DST: variants seen among roughly 807,000 people sequenced by gnomAD.
DST encodes the protein bullous pemphigoid antigen.
A neutral mutation model predicts 875.2 loss-of-function variants in DST; 253 were observed. That is an observed-to-expected ratio of 0.29 (90% confidence interval 0.26 to 0.32). The LOEUF is 0.32. DST is among the 10% of genes least tolerant of loss of function. The probability of loss-of-function intolerance (pLI) is 1.00; values close to 1 mark genes in which losing one functional copy is unlikely to be tolerated. For missense variants in DST, 8,287 were observed against 9,111.6 expected (o/e 0.91, Z 3.68); for synonymous variants, 3,124 against 3,197.1 (o/e 0.98, Z 0.77).
chr6:56,547,389 C>T (rs912925794), intron 61 of DST, among the ~76,000 whole-genome samples: 3 of 152,046 alleles, frequency 2.0e-5, no homozygotes, highest in African/African-American at 7.2e-5. Flanking sequence ...TGTGATCTTC[C>T]TATAAAAGCC....
chr6:56,574,555 G>A (rs2152621239), intron 50 of DST, among the ~76,000 whole-genome samples: 1 of 152,020 alleles, frequency 6.6e-6, no homozygotes, highest in South Asian at 2.1e-4. Context: ...TTATTTAAAA[G>A]TTTAACAGCA....
At chr6:56,532,580 A>T in intron 63 of DST, 70 bp from the exon 64 acceptor site, 1 of 1,387,052 alleles carries the variant, frequency 7.2e-7, no homozygotes, top group Non-Finnish European at 9.8e-7. Flanking sequence ...AATGTATTCT[A>T]AGTACATTTG....
At chr6:56,855,490 G>C (rs1206284372) in intron 3 of DST, among the ~76,000 whole-genome samples, 1 of 152,066 alleles carries the variant, frequency 6.6e-6, no homozygotes, top group Non-Finnish European at 1.5e-5. Flanking sequence ...TTAAATCAAG[G>C]AATAAATGTT....
intron 61 of DST, among the ~76,000 whole-genome samples, chr6:56,551,572 A>T (rs894560007): frequency 1.3e-5 from 2 of 152,132 alleles, no homozygotes; most frequent in African/African-American, 4.8e-5. Flanking sequence ...GTCATTGATC[A>T]CTGTTGAGTG....
At chr6:56,741,653 TCCAGATTACA>T (rs1027262944) in intron 4 of DST, among the ~76,000 whole-genome samples, 1 of 152,200 alleles carries the variant, frequency 6.6e-6, no homozygotes, top group Non-Finnish European at 1.5e-5. Flanking sequence ...AAGGGAGTAT[TCCAGATTACA>T]CCATCTAATT....
chr6:56,759,889 A>G (rs952919631), intron 4 of DST, among the ~76,000 whole-genome samples: 5 of 152,230 alleles, frequency 3.3e-5, no homozygotes, highest in African/African-American at 4.8e-5. Flanking sequence ...CTCTAAGCAA[A>G]GTGAGTCCTT....
chr6:56,889,006 A>C (rs967978017), intron 3 of DST, among the ~76,000 whole-genome samples: 9 of 152,156 alleles, frequency 5.9e-5, no homozygotes, highest in Non-Finnish European at 7.4e-5. Flanking sequence ...GCCTTAAATC[A>C]AAGTCAAGAG....
chr6:56,662,771 C>A (rs999005261), intron 10 of DST, among the ~76,000 whole-genome samples: 2 of 151,870 alleles, frequency 1.3e-5, no homozygotes, highest in Admixed American at 1.3e-4. Flanking sequence ...GAAACCCTGT[C>A]TCTACTAAAA....
chr6:56,487,397 C>T, intron 86 of DST, 124 bp from the exon 87 acceptor site: 2 of 873,676 alleles, frequency 2.3e-6, no homozygotes, highest in Middle Eastern at 2.6e-4. Flanking sequence ...CTTATAATGA[C>T]TTGACTTAGG....
Position 56,463,649 on chromosome 6 carries a change from G to A in DST, c.22875C>T (p.Gly7625=). 11 of 1,613,950 alleles carry A rather than the reference G, an allele frequency of 6.8e-6. No homozygotes were observed. The highest frequency in any genetic ancestry group is 8.5e-6 in the Non-Finnish European group (10 of 1,179,870). The change falls in exon 101 of 104, where the codon GGC becomes GGT. Residue 7625 remains glycine (G), a synonymous_variant. Transcript: ENST00000680361. ...RGRRSRPSSR[G]ASPNRSTSVS... ...CAGAAGTGGATCTGTTGGGTGAAGC[G>A]CCTCGTGATGATGGCCGGGATCTTC...
At chr6:56,890,502 C>T (rs569890633) in intron 3 of DST, among the ~76,000 whole-genome samples, 110 of 152,264 alleles carry the variant, frequency 7.2e-4, no homozygotes, top group Non-Finnish European at 1.2e-3. Flanking sequence ...AATCCAAATA[C>T]ATATGTACTG....
intron 85 of DST, among the ~76,000 whole-genome samples, chr6:56,490,039 A>G (rs1436453449): frequency 6.6e-6 from 1 of 152,190 alleles, no homozygotes; most frequent in Non-Finnish European, 1.5e-5. Flanking sequence ...GTTAAGAAAG[A>G]GGAACAAAAA....
Position 56,498,038 on chromosome 6 carries a change from C to A in DST, c.19912G>T (p.Val6638Leu). Residue 6638 changes from valine to leucine, a missense_variant, in exon 81 of 104, where the codon GTA becomes TTA. By Grantham distance (32) the Val-to-Leu change is conservative. This residue lies in a region of DST where 1,292 missense variants were observed against 1,552.7 expected (regional missense o/e 0.83). Coordinates refer to ENST00000680361, the MANE Select transcript of DST (RefSeq NM_001374736.1). Reference sequence around the variant, plus strand: ...TCCACTGTGGACTGATGGGCTAATACATCATTTTGGAGCACCTGAAAATAT... The same window carrying A: ...TCCACTGTGGACTGATGGGCTAATAAATCATTTTGGAGCACCTGAAAATAT... ...LAKHHVLQND[V>L]LAHQSTVEAV... is the part of the protein sequence containing the mutation. The A allele has an allele frequency of 6.2e-7, 1 of 1,612,198 alleles. No homozygotes were observed. Among genetic ancestry groups the A allele is most frequent in the Non-Finnish European group, 8.5e-7 (1 of 1,179,050 alleles).
intron 9 of DST, among the ~76,000 whole-genome samples, chr6:56,680,701 G>T (rs1480500803): frequency 2.0e-5 from 3 of 152,080 alleles, no homozygotes; most frequent in Non-Finnish European, 4.4e-5. Flanking sequence ...TTATTCCCCA[G>T]GGCATAGGCC....
In DST at chr6:56,608,866, A is replaced by G. The variant is rs2152714615; in HGVS notation, c.5762T>C (p.Ile1921Thr). 1.9e-6 allele frequency: 3 copies of G among 1,613,566 alleles called. No individual in the cohort carries two copies. Among genetic ancestry groups the G allele is most frequent in the Non-Finnish European group, 2.5e-6 (3 of 1,179,708 alleles). ...AACCTTCTCAGAGGTGCAGGGGTCAATAAGATCTTTGCACATATTTTGCCT... is the reference window on the plus strand; with the variant it reads ...AACCTTCTCAGAGGTGCAGGGGTCAGTAAGATCTTTGCACATATTTTGCCT... ...LERQNMCKDL[I>T]DPCTSEKVSL... The change falls in exon 40 of 104, where the codon ATT (isoleucine) becomes ACT (threonine). Residue 1921 changes from isoleucine (I) to threonine (T), a missense_variant. Physicochemically the swap from Ile to Thr is moderately conservative, Grantham distance 89. Transcript: ENST00000680361.
At chr6:56,865,159 T>C (rs1420760290) in intron 3 of DST, among the ~76,000 whole-genome samples, 2 of 152,088 alleles carry the variant, frequency 1.3e-5, no homozygotes, top group African/African-American at 4.8e-5. Context: ...AATGAGTCTG[T>C]CCTAACAGAA....
At position 56,634,189 on chromosome 6, in the gene DST, T is replaced by C. The variant is rs754240740; in HGVS notation, c.3564A>G (p.Val1188=). 3.3e-5 allele frequency: 54 copies of C among 1,613,558 alleles called. No individual in the cohort carries two copies. The highest frequency in any genetic ancestry group is 4.4e-5 in the Non-Finnish European group (52 of 1,179,982). The change falls in exon 27 of 104, where the codon GTA becomes GTG. Residue 1188 remains valine (V), a synonymous_variant. Transcript: ENST00000680361. ...HESHINMKSV[V]SWHYLINEID... ...TTTCATTGATGAGATAATGCCAGGA[T>C]ACTACACTCTTCATGTTTATGTGAG...
In DST at chr6:56,597,985, C is replaced by G. The variant is rs753208447; in HGVS notation, c.11950G>C (p.Glu3984Gln). The G allele has an allele frequency of 1.2e-6, 2 of 1,600,156 alleles. No individual in the cohort carries two copies. The highest frequency in any genetic ancestry group is 1.1e-5 in the South Asian group (1 of 88,212). Residue 3984 changes from glutamate to glutamine, a missense_variant, in exon 47 of 104, where the codon GAA becomes CAA. Glu to Gln is a conservative substitution (Grantham distance 29, BLOSUM62 2). Coordinates refer to ENST00000680361, the MANE Select transcript of DST (RefSeq NM_001374736.1). ...TTTTCTATTTTGGTTTTGCTCTCTT[C>G]CAGCTGCTTCACTGCTGCTACCTGG... ...TEKVAAVKQL[E>Q]ESKTKIENLL...
intron 83 of DST, 91 bp from the exon 84 acceptor site, chr6:56,493,180 C>T: frequency 8.9e-7 from 1 of 1,127,598 alleles, no homozygotes; most frequent in East Asian, 2.7e-5. Context: ...GATTCCTTTC[C>T]TATCCCCACT....
Sources: gnomAD v4.1 joint callset for allele counts (sites outside exome capture counted in the v4.1 genomes callset) on GRCh38, gnomAD v4.1.1 for gene constraint, gnomAD v4.1.1 regional missense constraint, MANE v1.5 for transcripts, NCBI Gene and HGNC (gene_info 2026-07-23, HGNC 2026-07-21) for gene names.